Variants in BTN1A1 observed in about 807,000 individuals in gnomAD.
BTN1A1 encodes butyrophilin subfamily 1 member A1.
Under a neutral mutation model 33.1 loss-of-function variants are expected in BTN1A1, and 26 were observed. The ratio of observed to expected loss-of-function variants is 0.79; its 90% CI spans 0.58 to 1.09. The LOEUF (loss-of-function observed/expected upper bound fraction) is 1.09. Ranked by LOEUF, BTN1A1 falls within the 50% of genes least tolerant of loss-of-function variation. BTN1A1 has a pLI of 0.00. For synonymous variants in BTN1A1, 235 were observed against 256.2 expected (o/e 0.92, Z 0.79); for missense variants, 558 against 655.7 (o/e 0.85, Z 1.63).
intron 7 of BTN1A1, among the ~76,000 whole-genome samples, 189 bp from the exon 8 acceptor site, chr6:26,508,312 A>C (rs1763897838): frequency 6.6e-6 from 1 of 152,128 alleles, no homozygotes; most frequent in Non-Finnish European, 1.5e-5. Context: ...TAGCTCTTAC[A>C]TCACCCTCTG....
chr6:26,501,813 C>T lies in BTN1A1; in HGVS notation c.303C>T (p.Gly101=). Residue 101 remains glycine (G), a synonymous_variant, in exon 3 of 8, where the codon GGC becomes GGT. Coordinates refer to ENST00000684113, the MANE Select transcript of BTN1A1 (RefSeq NM_001732.3). The surrounding 1 kb of genome is among the most constrained non-coding windows in gnomAD (Gnocchi z 5.2). Reference sequence around the variant, plus strand: ...GGCGGGCGACGCTGGTCCAGGACGGCATCGCCAAGGGGCGCGTGGCCTTGA... The same window carrying T: ...GGCGGGCGACGCTGGTCCAGGACGGTATCGCCAAGGGGCGCGTGGCCTTGA... The part of the protein sequence containing the change: ...YRGRATLVQD[G]IAKGRVALRI... 1 of 1,613,080 alleles carries T rather than the reference C, an allele frequency of 6.2e-7. No homozygotes were observed. Among genetic ancestry groups the T allele is most frequent in the Non-Finnish European group, 8.5e-7 (1 of 1,179,510 alleles).
chr6:26,509,484 G>A lies in BTN1A1; in HGVS notation c.*310G>A. The A allele has an allele frequency of 3.6e-6, 1 of 276,132 alleles. No homozygotes were observed. 17.1% of individuals were successfully genotyped at this position (276,132 alleles called of 1,614,324 possible). ...AGGACAGATTAGGGATCGAGATTGG[G>A]TCAGGTTAGCATGGGGTTGTGGTTG... On this transcript the variant is annotated 3_prime_UTR_variant, in exon 8 of 8. Coordinates refer to ENST00000684113, the MANE Select transcript of BTN1A1 (RefSeq NM_001732.3).
chr6:26,508,997 G>A lies in BTN1A1; in HGVS notation c.1404G>A (p.Lys468=), dbSNP rs978213847. ...TTTGCCTATGGTCTAGCGGTAAAAA[G>A]CCCCTGACCATCTGCCCAATTGCTG... The part of the protein sequence containing the change: ...PFFCLWSSGK[K]PLTICPIADG... The change falls in exon 8 of 8, where the codon AAG becomes AAA. Residue 468 remains lysine (K), a synonymous_variant. Transcript: ENST00000684113. 1 of 1,614,176 alleles carries A rather than the reference G, an allele frequency of 6.2e-7. No homozygotes were observed. The highest frequency in any genetic ancestry group is 8.5e-7 in the Non-Finnish European group (1 of 1,180,028).
At position 26,501,407 on chromosome 6, in the gene BTN1A1, T is replaced by A. The variant is rs1763796311; in HGVS notation, c.79+42T>A. On this transcript the variant is annotated intron_variant, in intron 2 of 7. Transcript: ENST00000684113. The surrounding 1 kb of genome is among the most constrained non-coding windows in gnomAD (Gnocchi z 5.2). ...CTCTGGGCTGCATAGTTGAAATATA[T>A]CAATAAATGTAAAATAAACAATCCC... 3 of 1,590,862 alleles carry A rather than the reference T, an allele frequency of 1.9e-6. No homozygotes were observed. The highest frequency in any genetic ancestry group is 2.6e-6 in the Non-Finnish European group (3 of 1,159,104).
chr6:26,508,464 T>C, intron 7 of BTN1A1, 37 bp from the exon 8 acceptor site: 1 of 1,570,504 alleles, frequency 6.4e-7, no homozygotes, highest in Non-Finnish European at 8.7e-7. Flanking sequence ...ACCTGTAATA[T>C]TCACTGATGT....
At chr6:26,502,155 A>ATAC (rs1763810188) in intron 3 of BTN1A1, among the ~76,000 whole-genome samples, 1 of 152,198 alleles carries the variant, frequency 6.6e-6, no homozygotes, top group Non-Finnish European at 1.5e-5. Flanking sequence ...AAGTATGAAA[A>ATAC]TACTTTTCGA....
At chr6:26,504,308 C>T (rs796856979) in intron 3 of BTN1A1, among the ~76,000 whole-genome samples, 1 of 152,104 alleles carries the variant, frequency 6.6e-6, no homozygotes, top group African/African-American at 2.4e-5. Flanking sequence ...ATGCTCTCAG[C>T]CTAGACCACT....
chr6:26,509,153 A>T lies in BTN1A1; in HGVS notation c.1560A>T (p.Gln520His), dbSNP rs1554139427. The change falls in exon 8 of 8, where the codon CAA (glutamine) becomes CAT (histidine). Residue 520 changes from glutamine to histidine, a missense_variant. Transcript: ENST00000684113. ...DTLHSKLIPT[Q>H]PSQGAP is the part of the protein sequence containing the mutation. ...TCCATTCTAAGCTAATCCCTACCCA[A>T]CCCAGCCAAGGGGCACCTTAAGGAA... is the stretch of plus-strand genomic sequence containing the variant. The T allele has an allele frequency of 6.2e-7, 1 of 1,611,684 alleles. No homozygotes were observed. Among genetic ancestry groups the T allele is most frequent in the South Asian group, 1.1e-5 (1 of 90,800 alleles).
At chr6:26,504,552 A>G (rs1206290944) in intron 3 of BTN1A1, among the ~76,000 whole-genome samples, 1 of 151,982 alleles carries the variant, frequency 6.6e-6, no homozygotes, top group African/African-American at 2.4e-5. Flanking sequence ...CAGTGGTGCC[A>G]TCACAGCTCA....
intron 3 of BTN1A1, among the ~76,000 whole-genome samples, 188 bp from the exon 4 acceptor site, chr6:26,504,737 T>TTA (rs1763846854): frequency 6.6e-6 from 1 of 152,120 alleles, no homozygotes; most frequent in African/African-American, 2.4e-5. Context: ...AGTGCTGACA[T>TTA]TACAGACATA....
chr6:26,509,041 C>T lies in BTN1A1; in HGVS notation c.1448C>T (p.Thr483Ile), dbSNP rs1335380070. The change falls in exon 8 of 8, where the codon ACA (threonine) becomes ATA (isoleucine). Residue 483 changes from threonine to isoleucine, a missense_variant. Physicochemically the swap from Thr to Ile is moderately conservative, Grantham distance 89 (BLOSUM62 -1). Coordinates refer to ENST00000684113, the MANE Select transcript of BTN1A1 (RefSeq NM_001732.3). The part of the protein sequence containing the change: ...CPIADGPERV[T>I]VIANAQDLSK... Reference sequence around the variant, plus strand: ...ATTGCTGATGGGCCTGAGAGGGTCACAGTCATTGCTAATGCCCAGGACCTT... The same window carrying T: ...ATTGCTGATGGGCCTGAGAGGGTCATAGTCATTGCTAATGCCCAGGACCTT... 5 of 1,614,098 alleles carry T rather than the reference C, an allele frequency of 3.1e-6. No individual in the cohort carries two copies. The Admixed American group carries it at 5.0e-5, about 16-fold the overall frequency.
chr6:26,508,154 A>G, intron 7 of BTN1A1, 67 bp downstream of exon 7: 1 of 1,507,130 alleles, frequency 6.6e-7, no homozygotes, highest in Non-Finnish European at 9.0e-7. Context: ...GTGCTATGAT[A>G]CTTGGAAATG....
chr6:26,507,859 G>T, intron 5 of BTN1A1, 91 bp from the exon 6 acceptor site: 1 of 1,284,772 alleles, frequency 7.8e-7, no homozygotes. Flanking sequence ...GAATTAAACA[G>T]TTCCTCCTTT....
At position 26,508,505 on chromosome 6, in the gene BTN1A1, T is replaced by C. The variant is rs757074593; in HGVS notation, c.912T>C (p.Asp304=). ...CTGCTGTTTCTTTCTCTCCAGTTGA[T>C]GTGACTCTGGACCCAGACACAGCTC... ...KWKKATLHAV[D]VTLDPDTAHP... The change falls in exon 8 of 8, where the codon GAT becomes GAC. Residue 304 remains aspartate, a synonymous_variant. Transcript: ENST00000684113. The C allele has an allele frequency of 2.1e-5, 34 of 1,610,522 alleles. No individual in the cohort carries two copies. The highest frequency in any genetic ancestry group is 2.5e-5 in the Non-Finnish European group (29 of 1,178,086).
rs567480720 is a variant in BTN1A1, at chr6:26,509,273, G to C, written c.*99G>C. The C allele has an allele frequency of 6.1e-6, 7 of 1,154,826 alleles. No homozygotes were observed. The highest frequency in any genetic ancestry group is 7.4e-6 in the Non-Finnish European group (6 of 815,918). 71.5% of individuals were successfully genotyped at this position (1,154,826 alleles called of 1,614,324 possible). A position where few individuals can be genotyped will look rare whatever the true frequency, so the allele number is the denominator to read the frequency against. On this transcript the variant is annotated 3_prime_UTR_variant, in exon 8 of 8. Coordinates refer to ENST00000684113, the MANE Select transcript of BTN1A1 (RefSeq NM_001732.3). ...AGCTTTACCCAGTCTGTTTCTTCCTGTTGGGTGGCAATTAATTAATCCTGT... is the reference window on the plus strand; with the variant it reads ...AGCTTTACCCAGTCTGTTTCTTCCTCTTGGGTGGCAATTAATTAATCCTGT...
At chr6:26,503,780 A>G (rs1344689404) in intron 3 of BTN1A1, among the ~76,000 whole-genome samples, 1 of 152,016 alleles carries the variant, frequency 6.6e-6, no homozygotes, top group Non-Finnish European at 1.5e-5. Context: ...TATAATTCAA[A>G]TTTTGACATT....
chr6:26,508,432 G>A, intron 7 of BTN1A1, 69 bp from the exon 8 acceptor site: 1 of 1,487,726 alleles, frequency 6.7e-7, no homozygotes, highest in Non-Finnish European at 9.1e-7. Context: ...TGTTTCTTAG[G>A]AGAAGGAAAG....
chr6:26,508,239 G>A, intron 7 of BTN1A1, 152 bp downstream of exon 7: 5 of 1,121,362 alleles, frequency 4.5e-6, no homozygotes, highest in Non-Finnish European at 6.4e-6. Context: ...TTTCTGTGAG[G>A]CACATAGAGA....
intron 7 of BTN1A1, 24 bp downstream of exon 7, chr6:26,508,111 G>A (rs201956714): frequency 2.8e-4 from 442 of 1,594,576 alleles, no homozygotes; most frequent in Non-Finnish European, 3.6e-4. Context: ...AACTTCTCTA[G>A]GGCTCTGAGG....
Sources: allele counts gnomAD v4.1 joint callset (sites outside exome capture counted in the v4.1 genomes callset), GRCh38; gene constraint gnomAD v4.1.1; non-coding constraint Gnocchi (gnomAD v3.1); transcripts MANE v1.5; gene names NCBI Gene and HGNC (gene_info 2026-07-23, HGNC 2026-07-21).